Variants in RANBP2 observed in about 807,000 individuals in gnomAD.
RANBP2 encodes RAN binding protein 2.
RANBP2 carries 57 observed loss-of-function variants against 303.6 expected under a neutral mutation model. That is an observed-to-expected ratio of 0.19 (90% CI 0.15 to 0.23). RANBP2 has a LOEUF of 0.23. RANBP2 is among the 10% of genes least tolerant of loss of function. The pLI, the probability that RANBP2 is intolerant of heterozygous loss-of-function variation, is 1.00. For missense variants in RANBP2, 3,138 were observed against 3,780.8 expected (o/e 0.83, Z 4.46); for synonymous variants, 1,167 against 1,301.5 (o/e 0.90, Z 2.23).
At chr2:109,349,123 T>G in the RANBP2 span, among the ~76,000 whole-genome samples, 1 of 152,042 alleles carries the variant, frequency 6.6e-6, no homozygotes, top group Admixed American at 6.5e-5. Context: ...TTCCTGCCTC[T>G]GAGAGGCCAT....
chr2:109,445,784 C>G, the RANBP2 span, among the ~76,000 whole-genome samples: 2,455 of 152,066 alleles, frequency 0.016, 64 homozygotes, highest in African/African-American at 0.056. Context: ...TGTGGGAGTT[C>G]CATTTCATCC....
chr2:109,672,253 A>G, the RANBP2 span, among the ~76,000 whole-genome samples: 6 of 152,360 alleles, frequency 3.9e-5, no homozygotes, highest in Admixed American at 1.3e-4. Flanking sequence ...GCATCAAATA[A>G]AATATTGGTA....
chr2:109,275,787 C>G, the RANBP2 span, among the ~76,000 whole-genome samples: 54,674 of 152,004 alleles, frequency 0.36, 9,894 homozygotes, highest in South Asian at 0.41. Flanking sequence ...GTTTATGAAG[C>G]GAGGCACAGT....
the RANBP2 span, among the ~76,000 whole-genome samples, chr2:109,395,519 C>T: frequency 6.6e-6 from 1 of 152,136 alleles, no homozygotes; most frequent in Non-Finnish European, 1.5e-5. Context: ...GCTCTTACTT[C>T]TCCTGCCGTC....
At chr2:109,346,377 C>T in the RANBP2 span, among the ~76,000 whole-genome samples, 1 of 152,170 alleles carries the variant, frequency 6.6e-6, no homozygotes, top group African/African-American at 2.4e-5. Flanking sequence ...TTTCGATGTA[C>T]TACTGCTTCA....
chr2:108,922,051 T>C, the RANBP2 span, among the ~76,000 whole-genome samples: 1 of 152,224 alleles, frequency 6.6e-6, no homozygotes, highest in Non-Finnish European at 1.5e-5. Context: ...TAGACCTCAT[T>C]GCTGGACTTA....
chr2:109,223,654 C>T, the RANBP2 span, among the ~76,000 whole-genome samples: 1 of 152,180 alleles, frequency 6.6e-6, no homozygotes. Flanking sequence ...CCCTGCACCT[C>T]TCCATGGCTC....
the RANBP2 span, among the ~76,000 whole-genome samples, chr2:109,653,059 T>A: frequency 6.6e-6 from 1 of 152,182 alleles, no homozygotes; most frequent in Non-Finnish European, 1.5e-5. Flanking sequence ...TCTGCCTCTA[T>A]AAATGAAGTA....
chr2:108,893,961 T>TTTTC, the RANBP2 span, among the ~76,000 whole-genome samples: 22 of 152,154 alleles, frequency 1.4e-4, no homozygotes, highest in South Asian at 4.4e-3. Context: ...ATACATATCA[T>TTTTC]TTTCTTTCTT....
At chr2:109,596,480 G>A in the RANBP2 span, among the ~76,000 whole-genome samples, 1 of 152,066 alleles carries the variant, frequency 6.6e-6, no homozygotes, top group Non-Finnish European at 1.5e-5. Context: ...AGCCGAGCGT[G>A]CTGGCAGGCA....
At chr2:109,091,429 G>A in the RANBP2 span, among the ~76,000 whole-genome samples, 9 of 151,972 alleles carry the variant, frequency 5.9e-5, no homozygotes, top group Non-Finnish European at 1.0e-4. Context: ...TTTGTAGTTA[G>A]TTTTCCTATC....
At chr2:108,737,195 A>G (rs1264348739) in intron 6 of RANBP2, among the ~76,000 whole-genome samples, 1 of 152,104 alleles carries the variant, frequency 6.6e-6, no homozygotes, top group Non-Finnish European at 1.5e-5. Context: ...CATAACTTTA[A>G]GATTATTTTA....
chr2:108,806,715 C>T, the RANBP2 span, among the ~76,000 whole-genome samples: 1 of 152,192 alleles, frequency 6.6e-6, no homozygotes, highest in Non-Finnish European at 1.5e-5. Flanking sequence ...AGATGAATAA[C>T]ATGTACTTTG....
At chr2:109,047,868 A>G in the RANBP2 span, among the ~76,000 whole-genome samples, 1 of 152,248 alleles carries the variant, frequency 6.6e-6, no homozygotes, top group Admixed American at 6.5e-5. Context: ...TCACATAGTG[A>G]GGACGTGGCA....
the RANBP2 span, among the ~76,000 whole-genome samples, chr2:109,647,155 C>CTT: frequency 0.015 from 1,072 of 71,502 alleles, 188 homozygotes; most frequent in African/African-American, 0.051. Context: ...GCTCTCCTCA[C>CTT]TTTTTTTTTT....
At chr2:108,762,888 A>G (rs1676833377) in intron 19 of RANBP2, among the ~76,000 whole-genome samples, 1 of 152,102 alleles carries the variant, frequency 6.6e-6, no homozygotes, top group Non-Finnish European at 1.5e-5. Context: ...TTAGCTGTAG[A>G]TTTTAAGATG....
the RANBP2 span, among the ~76,000 whole-genome samples, chr2:109,105,923 G>A: frequency 8.7e-5 from 11 of 126,136 alleles, no homozygotes; most frequent in East Asian, 2.4e-4. Flanking sequence ...GCACAGTCTC[G>A]GCTCACTGCA....
the RANBP2 span, among the ~76,000 whole-genome samples, chr2:109,009,022 A>G: frequency 6.6e-6 from 1 of 152,038 alleles, no homozygotes; most frequent in Non-Finnish European, 1.5e-5. Context: ...TCAGTGGGGA[A>G]TTTTTGTTAT....
the RANBP2 span, among the ~76,000 whole-genome samples, chr2:109,499,546 T>TGGGA: frequency 1.3e-5 from 2 of 152,220 alleles, no homozygotes; most frequent in South Asian, 4.2e-4. Context: ...CCTGTGGAGT[T>TGGGA]TCCCCAGGGC....
Sources: gnomAD v4.1 joint callset for allele counts (sites outside exome capture counted in the v4.1 genomes callset) on GRCh38, gnomAD v4.1.1 for gene constraint, MANE v1.5 for transcripts, NCBI Gene and HGNC (gene_info 2026-07-23, HGNC 2026-07-21) for gene names.